SRGAP1: variants seen among roughly 807,000 people sequenced by gnomAD.
SRGAP1 encodes SLIT-ROBO Rho GTPase activating protein 1.
Under a neutral mutation model 121.9 loss-of-function variants are expected in SRGAP1, and 43 were observed. The ratio of observed to expected loss-of-function variants is 0.35; its 90% confidence interval spans 0.28 to 0.46. SRGAP1 has a LOEUF of 0.46. Ranked by LOEUF, SRGAP1 falls within the 20% of genes least tolerant of loss-of-function variation. SRGAP1 has a pLI of 1.00. For synonymous variants in SRGAP1, 447 were observed against 485.4 expected (o/e 0.92, Z 1.04); for missense variants, 1,102 against 1,350.9 (o/e 0.82, Z 2.89).
chr12:63,914,100 C>G (rs377223488), intron 1 of SRGAP1, among the ~76,000 whole-genome samples: 10 of 152,192 alleles, frequency 6.6e-5, no homozygotes, highest in East Asian at 3.9e-4. Context: ...CTGTGACTCT[C>G]ATAAAACCAT....
intron 1 of SRGAP1, among the ~76,000 whole-genome samples, chr12:63,970,848 T>C (rs1188409891): frequency 6.6e-6 from 1 of 152,244 alleles, no homozygotes; most frequent in Non-Finnish European, 1.5e-5. Context: ...ACAGCTATCT[T>C]TTCTAAATGT....
At chr12:63,878,547 A>G (rs764036568) in intron 1 of SRGAP1, among the ~76,000 whole-genome samples, 2 of 152,188 alleles carry the variant, frequency 1.3e-5, no homozygotes, top group Non-Finnish European at 2.9e-5. Flanking sequence ...TAGAGTATGT[A>G]TATCTGATAA....
At chr12:63,872,178 TG>T in intron 1 of SRGAP1, 1 of 318,470 alleles carries the variant, frequency 3.1e-6, no homozygotes, top group Non-Finnish European at 5.8e-6. Context: ...TGAGAGCACC[TG>T]TTTGATTGTT....
intron 4 of SRGAP1, chr12:64,032,572 G>A (rs958929529): frequency 2.8e-5 from 24 of 872,300 alleles, no homozygotes; most frequent in East Asian, 8.4e-5. Flanking sequence ...CACGGACCTA[G>A]CTCTGCACAT....
rs551458629 is a variant in SRGAP1 at position 63,979,407 on chromosome 12, C to T, written c.68-4540C>T. 2.6e-5 allele frequency among the ~76,000 whole-genome samples: 4 copies of T among 151,908 alleles called. No homozygotes were observed. In the South Asian group the frequency reaches 8.3e-4, roughly 32 times the overall value. On this transcript the variant is annotated intron_variant, in intron 1 of 21. Coordinates refer to ENST00000355086, the MANE Select transcript of SRGAP1 (RefSeq NM_020762.4). ...AAGAGTTCTTTGTGTATTCTGTATA[C>T]AAGTTCCTTATCAGACATATGATTT...
intron 15 of SRGAP1, among the ~76,000 whole-genome samples, chr12:64,103,585 T>G (rs973710236): frequency 6.6e-6 from 1 of 152,214 alleles, no homozygotes; most frequent in Non-Finnish European, 1.5e-5. Context: ...TTCTTTCAGC[T>G]TTATTGACAT....
At chr12:63,895,629 G>A (rs949167353) in intron 1 of SRGAP1, among the ~76,000 whole-genome samples, 1 of 152,154 alleles carries the variant, frequency 6.6e-6, no homozygotes, top group Non-Finnish European at 1.5e-5. Flanking sequence ...TGTTCTATAA[G>A]CTGTAAGGTC....
chr12:63,847,273 A>G (rs1898933128), intron 1 of SRGAP1, among the ~76,000 whole-genome samples: 2 of 152,184 alleles, frequency 1.3e-5, no homozygotes, highest in Admixed American at 1.3e-4. Context: ...CAGTGAGCCG[A>G]AATCACATCA....
intron 1 of SRGAP1, among the ~76,000 whole-genome samples, chr12:63,907,133 G>A (rs2030251503): frequency 6.6e-6 from 1 of 152,092 alleles, no homozygotes; most frequent in African/African-American, 2.4e-5. Flanking sequence ...TCTCATTGTG[G>A]TTTTGATTTG....
chr12:63,960,439 C>G (rs144377554), intron 1 of SRGAP1, among the ~76,000 whole-genome samples: 1 of 152,084 alleles, frequency 6.6e-6, no homozygotes, highest in African/African-American at 2.4e-5. Flanking sequence ...CCTCTACCCC[C>G]AGTCTGACCT....
At chr12:64,096,121 T>G (rs2036150821) in intron 14 of SRGAP1, among the ~76,000 whole-genome samples, 1 of 152,206 alleles carries the variant, frequency 6.6e-6, no homozygotes, top group African/African-American at 2.4e-5. Flanking sequence ...TGAAATATGG[T>G]AAAGTATCAG....
chr12:63,877,749 G>T (rs193134976), intron 1 of SRGAP1, among the ~76,000 whole-genome samples: 18 of 152,326 alleles, frequency 1.2e-4, no homozygotes, highest in Admixed American at 9.8e-4. Flanking sequence ...AGAGTGTTGA[G>T]ACCAAATTCT....
intron 3 of SRGAP1, among the ~76,000 whole-genome samples, chr12:64,005,401 G>C (rs572470959): frequency 6.6e-6 from 1 of 152,174 alleles, no homozygotes; most frequent in Non-Finnish European, 1.5e-5. Context: ...CCTGCACTTT[G>C]AGAAGCCAAG....
chr12:63,984,544 A>C (rs1292938551), intron 2 of SRGAP1, among the ~76,000 whole-genome samples: 1 of 152,176 alleles, frequency 6.6e-6, no homozygotes. Context: ...AATTGCTTGA[A>C]TTTTGTGCCC....
chr12:64,029,297 A>T (rs912839887), intron 4 of SRGAP1, among the ~76,000 whole-genome samples: 3 of 152,212 alleles, frequency 2.0e-5, no homozygotes, highest in African/African-American at 7.2e-5. Context: ...TACTAAAAGC[A>T]TTGTTGCTTC....
intron 4 of SRGAP1, among the ~76,000 whole-genome samples, chr12:64,020,009 T>C (rs977075191): frequency 6.6e-6 from 1 of 152,236 alleles, no homozygotes; most frequent in Non-Finnish European, 1.5e-5. Context: ...AGAAGTATAC[T>C]AACTTCCATA....
At chr12:64,016,742 CAT>C (rs2034412709) in intron 3 of SRGAP1, among the ~76,000 whole-genome samples, 1 of 152,014 alleles carries the variant, frequency 6.6e-6, no homozygotes, top group South Asian at 2.1e-4. Flanking sequence ...GCCGTTCACC[CAT>C]GGTTGTCACT....
intron 1 of SRGAP1, among the ~76,000 whole-genome samples, chr12:63,882,705 G>A (rs572917653): frequency 1.3e-5 from 2 of 152,204 alleles, no homozygotes; most frequent in South Asian, 4.1e-4. Context: ...ATTATAGCTA[G>A]GATATTTATT....
At chr12:64,127,519 C>T in intron 19 of SRGAP1, 71 bp from the exon 20 acceptor site, 16 of 1,474,844 alleles carry the variant, frequency 1.1e-5, no homozygotes, top group Non-Finnish European at 1.5e-5. Context: ...TTTTCATCTC[C>T]ACTCATCTAG....
Sources: allele counts gnomAD v4.1 joint callset (sites outside exome capture counted in the v4.1 genomes callset), GRCh38; gene constraint gnomAD v4.1.1; transcripts MANE v1.5; gene names NCBI Gene and HGNC (gene_info 2026-07-23, HGNC 2026-07-21).